Variants in DOCK1 observed in about 807,000 individuals in gnomAD.
DOCK1 encodes dedicator of cytokinesis 1, also known as dedicator of cytokinesis protein 1.
Under a neutral mutation model 262.7 loss-of-function variants are expected in DOCK1, and 138 were observed. The ratio of observed to expected loss-of-function variants is 0.53; its 90% CI spans 0.46 to 0.61. DOCK1 has a LOEUF of 0.61. DOCK1 is among the 20% of genes least tolerant of loss of function. DOCK1 has a pLI of 0.00. For missense variants in DOCK1, 1,908 were observed against 2,370.7 expected (o/e 0.80, Z 4.05); for synonymous variants, 866 against 867.4 (o/e 1.00, Z 0.03).
At chr10:126,960,723 A>AATATATATATATAT (rs1159655828) in intron 1 of DOCK1, among the ~76,000 whole-genome samples, 5 of 134,672 alleles carry the variant, frequency 3.7e-5, no homozygotes, top group African/African-American at 1.4e-4. Flanking sequence ...CCTACCCTCA[A>AATATATATATATAT]ATATATATAT....
At chr10:127,028,783 G>A (rs1052253271) in intron 16 of DOCK1, among the ~76,000 whole-genome samples, 2 of 152,172 alleles carry the variant, frequency 1.3e-5, no homozygotes, top group Admixed American at 1.3e-4. Flanking sequence ...TGATGTGAGC[G>A]GAGGGTGCTG....
At chr10:127,121,211 A>G (rs1441178268) in intron 25 of DOCK1, among the ~76,000 whole-genome samples, 3 of 141,864 alleles carry the variant, frequency 2.1e-5, no homozygotes, top group Non-Finnish European at 4.5e-5. Context: ...TCTTTAAAAT[A>G]TAAGACCCCT....
At chr10:127,033,159 G>T (rs892855277) in intron 18 of DOCK1, among the ~76,000 whole-genome samples, 2 of 152,214 alleles carry the variant, frequency 1.3e-5, no homozygotes, top group Non-Finnish European at 2.9e-5. Flanking sequence ...CCCATTCTCA[G>T]CTACTCTCTG....
At chr10:127,023,068 T>C (rs2135448567) in intron 13 of DOCK1, 132 bp from the exon 14 acceptor site, 1 of 1,117,432 alleles carries the variant, frequency 8.9e-7, no homozygotes, top group Non-Finnish European at 1.2e-6. Flanking sequence ...GACTGTTTTG[T>C]AGAAAATATT....
chr10:127,429,443 T>G (rs181256984), intron 47 of DOCK1, among the ~76,000 whole-genome samples: 7 of 152,212 alleles, frequency 4.6e-5, no homozygotes, highest in Non-Finnish European at 1.0e-4. Flanking sequence ...TTTGGAAACT[T>G]GCAATCATCT....
chr10:126,952,973 ATTG>A (rs1408962306), intron 1 of DOCK1, among the ~76,000 whole-genome samples: 2 of 144,898 alleles, frequency 1.4e-5, no homozygotes, highest in Non-Finnish European at 3.0e-5. Context: ...TGTTGGTGGT[ATTG>A]TTGGTAGTAT....
chr10:127,048,622 A>G (rs1171501384), intron 21 of DOCK1, among the ~76,000 whole-genome samples: 1 of 152,214 alleles, frequency 6.6e-6, no homozygotes, highest in Non-Finnish European at 1.5e-5. Flanking sequence ...CTAATGTCAC[A>G]GCACTAGCCT....
chr10:127,400,441 T>C (rs2067155639), intron 38 of DOCK1, among the ~76,000 whole-genome samples: 2 of 152,208 alleles, frequency 1.3e-5, no homozygotes. Context: ...CTGGACTCTT[T>C]TCAAATCCAT....
At chr10:127,033,290 G>C (rs1357372389) in intron 18 of DOCK1, among the ~76,000 whole-genome samples, 1 of 152,196 alleles carries the variant, frequency 6.6e-6, no homozygotes, top group Admixed American at 6.5e-5. Context: ...CAGCCCTAAT[G>C]TGGCAGATCA....
At chr10:127,147,395 C>A (rs759522630) in intron 27 of DOCK1, among the ~76,000 whole-genome samples, 1 of 152,158 alleles carries the variant, frequency 6.6e-6, no homozygotes, top group East Asian at 1.9e-4. Flanking sequence ...CCTCCCTCCA[C>A]GATTATCTTG....
intron 1 of DOCK1, among the ~76,000 whole-genome samples, chr10:126,921,762 C>T (rs2033224678): frequency 1.3e-5 from 2 of 152,138 alleles, no homozygotes; most frequent in Admixed American, 1.3e-4. Flanking sequence ...AAGCGATTCT[C>T]CTGCCTCAGC....
intron 29 of DOCK1, among the ~76,000 whole-genome samples, chr10:127,287,556 C>G (rs1466557001): frequency 1.3e-5 from 2 of 152,110 alleles, no homozygotes; most frequent in Non-Finnish European, 2.9e-5. Flanking sequence ...ATTCCACATT[C>G]TGGATTTTGC....
chr10:126,910,651 A>G (rs1271607392), intron 1 of DOCK1, among the ~76,000 whole-genome samples: 2 of 152,242 alleles, frequency 1.3e-5, no homozygotes, highest in African/African-American at 4.8e-5. Context: ...AAGCTGTAGT[A>G]CAGCATCACG....
At chr10:127,317,860 G>A (rs1026180655) in intron 29 of DOCK1, among the ~76,000 whole-genome samples, 4 of 152,150 alleles carry the variant, frequency 2.6e-5, no homozygotes, top group Admixed American at 2.6e-4. Flanking sequence ...GACTCCTCAA[G>A]GTGTTTGGTT....
chr10:126,936,279 C>T (rs1326647803), intron 1 of DOCK1, among the ~76,000 whole-genome samples: 4 of 152,204 alleles, frequency 2.6e-5, no homozygotes, highest in African/African-American at 7.2e-5. Context: ...AGCCACTGTG[C>T]TTGGCTGTAG....
At chr10:127,312,478 A>T (rs1422167553) in intron 29 of DOCK1, among the ~76,000 whole-genome samples, 3 of 152,154 alleles carry the variant, frequency 2.0e-5, no homozygotes, top group Non-Finnish European at 4.4e-5. Flanking sequence ...TGGATAGGAA[A>T]GCCCAATGAA....
intron 28 of DOCK1, among the ~76,000 whole-genome samples, chr10:127,249,874 A>G (rs1358013779): frequency 1.3e-5 from 2 of 152,200 alleles, no homozygotes; most frequent in Non-Finnish European, 2.9e-5. Flanking sequence ...GAATATGTAT[A>G]TGTTTGTATT....
At chr10:127,028,067 T>A (rs962947466) in intron 16 of DOCK1, among the ~76,000 whole-genome samples, 1 of 40,398 alleles carries the variant, frequency 2.5e-5, no homozygotes, top group Non-Finnish European at 4.7e-5. Flanking sequence ...GGCGGGGGAG[T>A]GCGGGGGGTG....
At chr10:127,071,950 A>T (rs1417412751) in intron 23 of DOCK1, among the ~76,000 whole-genome samples, 1 of 152,178 alleles carries the variant, frequency 6.6e-6, no homozygotes, top group Non-Finnish European at 1.5e-5. Flanking sequence ...CCCAGTAATG[A>T]TGCTCACTGG....
Sources: gnomAD v4.1 joint callset for allele counts (sites outside exome capture counted in the v4.1 genomes callset) on GRCh38, gnomAD v4.1.1 for gene constraint, MANE v1.5 for transcripts, NCBI Gene and HGNC (gene_info 2026-07-23, HGNC 2026-07-21) for gene names.